SCRIB: variants seen among roughly 807,000 people sequenced by gnomAD.
SCRIB encodes the protein scribble planar cell polarity protein, also known as protein scribble homolog.
Under a neutral mutation model 170.0 loss-of-function variants are expected in SCRIB, and 72 were observed. That is an observed-to-expected ratio of 0.42 (90% CI 0.35 to 0.52). The LOEUF is 0.52. SCRIB is among the 20% of genes least tolerant of loss of function. The probability of loss-of-function intolerance (pLI) is 0.02; values close to 1 mark genes in which losing one functional copy is unlikely to be tolerated. For missense variants in SCRIB, 2,475 were observed against 2,338.5 expected (o/e 1.06, Z -1.20); for synonymous variants, 1,298 against 1,044.3 (o/e 1.24, Z -4.68).
intron 15 of SCRIB, among the ~76,000 whole-genome samples, chr8:143,807,893 A>G (rs7011769): frequency 0.98 from 149,278 of 152,228 alleles, 73,250 homozygotes; most frequent in Middle Eastern, 1. Context: ...ACTCAGGGTC[A>G]GAGTGTCATC....
At chr8:143,791,853 A>G in intron 34 of SCRIB, 23 bp downstream of exon 34, 1 of 1,534,824 alleles carries the variant, frequency 6.5e-7, no homozygotes, top group South Asian at 1.2e-5. Flanking sequence ...GGTGAAGGGA[A>G]GGCATAGCCA....
intron 14 of SCRIB, among the ~76,000 whole-genome samples, 190 bp from the exon 15 acceptor site, chr8:143,809,215 G>A (rs1367983350): frequency 6.6e-6 from 1 of 152,172 alleles, no homozygotes; most frequent in Non-Finnish European, 1.5e-5. Context: ...GCTCATCCTG[G>A]AGACACGCAG....
chr8:143,791,914 C>A lies in SCRIB; in HGVS notation c.4658-1G>T. The A allele has an allele frequency of 6.6e-7, 1 of 1,510,736 alleles. No individual in the cohort carries two copies. 93.6% of individuals were successfully genotyped at this position (1,510,736 alleles called of 1,614,324 possible). ...GAGGTGCTGGTCTGGGGGCCGAGGT[C>A]TGGGGGGACAAGAAGCGGGCATTGG... On this transcript the variant is annotated splice_acceptor_variant, in intron 33 of 36. Coordinates refer to ENST00000356994, the MANE Select transcript of SCRIB (RefSeq NM_182706.5). LOFTEE classifies it high-confidence loss of function.
Position 143,791,919 on chromosome 8 carries a change from G to T in SCRIB, c.4658-6C>A. On this transcript the variant is annotated splice_polypyrimidine_tract_variant and splice_region_variant and intron_variant, in intron 33 of 36. Transcript: ENST00000356994. The stretch of plus-strand genomic sequence containing the variant: ...GCTGGTCTGGGGGCCGAGGTCTGGG[G>T]GGACAAGAAGCGGGCATTGGAAGCA... 1.3e-6 allele frequency: 2 copies of T among 1,514,270 alleles called. No homozygotes were observed. Among genetic ancestry groups the T allele is most frequent in the Non-Finnish European group, 8.8e-7 (1 of 1,130,588 alleles). 93.8% of individuals were successfully genotyped at this position (1,514,270 alleles called of 1,614,324 possible).
In SCRIB at chr8:143,810,532, T is replaced by TCCG. The variant is rs1490907992; in HGVS notation, c.1474_1476dup (p.Arg492dup). 6.2e-7 allele frequency: 1 copy of TCCG among 1,613,124 alleles called. No individual in the cohort carries two copies. The highest frequency in any genetic ancestry group is 2.2e-5 in the East Asian group (1 of 44,866). On this transcript the variant is annotated inframe_insertion, in exon 13 of 37. Coordinates refer to ENST00000356994, the MANE Select transcript of SCRIB (RefSeq NM_182706.5). ...TCTGGCTGGCAAGGGCAGGCCTCGC[T>TCCG]CCGCCGCCCCTCGATGCTCCTCTTC...
In SCRIB at chr8:143,815,344, CAGCGCCACAGCGG is replaced by C. The variant is rs773790541; in HGVS notation, c.16_28del (p.Pro6AlafsTer50). ...GTCCACCGACTCCACGTGCCGGTTG[CAGCGCCACAGCGG>C]GATGCACTTGAGCATGGTGCGGGTG... On this transcript the variant is annotated frameshift_variant, in exon 1 of 37. Coordinates refer to ENST00000356994, the MANE Select transcript of SCRIB (RefSeq NM_182706.5). LOFTEE classifies it high-confidence loss of function. The C allele has an allele frequency of 6.5e-7, 1 of 1,548,438 alleles. No individual in the cohort carries two copies. The highest frequency in any genetic ancestry group is 8.7e-7 in the Non-Finnish European group (1 of 1,148,106).
chr8:143,809,749 G>A (rs368003990), intron 13 of SCRIB, 31 bp from the exon 14 acceptor site: 87 of 1,594,240 alleles, frequency 5.5e-5, no homozygotes, highest in Admixed American at 6.7e-5. Flanking sequence ...AGGCTTCGAC[G>A]GAGCTCCCGA....
In SCRIB at chr8:143,792,424, G is replaced by T; in HGVS notation, c.4329-19C>A. ...GCTCTGCCTGGGGAAGGGACAGGACGTGCTGTGGGGGGCAGGGGCACGTGG... is the reference window on the plus strand; with the variant it reads ...GCTCTGCCTGGGGAAGGGACAGGACTTGCTGTGGGGGGCAGGGGCACGTGG... On this transcript the variant is annotated intron_variant, in intron 31 of 36. Coordinates refer to ENST00000356994, the MANE Select transcript of SCRIB (RefSeq NM_182706.5). The T allele has an allele frequency of 6.6e-7, 1 of 1,507,242 alleles. No individual in the cohort carries two copies. The highest frequency in any genetic ancestry group is 8.8e-7 in the Non-Finnish European group (1 of 1,130,522). 93.4% of individuals were successfully genotyped at this position (1,507,242 alleles called of 1,614,324 possible). A position where few individuals can be genotyped will look rare whatever the true frequency, so the allele number is the denominator to read the frequency against.
At position 143,791,718 on chromosome 8, in the gene SCRIB, T is replaced by C. The variant is rs782812845; in HGVS notation, c.4718A>G (p.Asp1573Gly). 9 of 1,597,214 alleles carry C rather than the reference T, an allele frequency of 5.6e-6. No individual in the cohort carries two copies. The highest frequency in any genetic ancestry group is 6.8e-6 in the Non-Finnish European group (8 of 1,169,750). ...AGGCAGGGCCGCAAAGGCCCTGTAG[T>C]CAAACTTCTTTCCAGACAAGGGCTT... ...GRLPLSGKKFDYRAFAALPSS... is the reference protein window; with the variant it reads ...GRLPLSGKKFGYRAFAALPSS... The change falls in exon 35 of 37, where the codon GAC becomes GGC. Residue 1573 changes from aspartate (D) to glycine (G), a missense_variant. Coordinates refer to ENST00000356994, the MANE Select transcript of SCRIB (RefSeq NM_182706.5).
rs751003321 is a variant in SCRIB at position 143,813,825 on chromosome 8, G to C, written c.349C>G (p.Leu117Val). 3.7e-6 allele frequency: 6 copies of C among 1,609,338 alleles called. No individual in the cohort carries two copies. In the South Asian group the frequency reaches 5.5e-5, roughly 15 times the overall value. ...LEIADFSGNPLSRLPDGFTQL... is the reference protein window; with the variant it reads ...LEIADFSGNPVSRLPDGFTQL... ...CCACAGGCTGCCACCCACCTGGAGAGGGGGTTCCCGCTGAAGTCCGCGATC... is the reference window on the plus strand; with the variant it reads ...CCACAGGCTGCCACCCACCTGGAGACGGGGTTCCCGCTGAAGTCCGCGATC... Residue 117 changes from leucine (L) to valine (V), a missense_variant, in exon 3 of 37, where the codon CTC (leucine) becomes GTC (valine). Leu to Val is a conservative substitution (Grantham distance 32). This residue lies in a region of SCRIB where 487 missense variants were observed against 558.1 expected (regional missense o/e 0.87). Transcript: ENST00000356994.
chr8:143,803,790 T>C lies in SCRIB; in HGVS notation c.3271A>G (p.Arg1091Gly). ...CGTAGGCCCGGGGGTGCCGGGTCCC[T>C]CCGCACCAGCAGCGACAGCTCCAGG... is the stretch of plus-strand genomic sequence containing the variant. ...PCLELSLLVR[R>G]DPAPPGLREL... The change falls in exon 23 of 37, where the codon AGG becomes GGG. Residue 1091 changes from arginine to glycine, a missense_variant. Physicochemically the swap from Arg to Gly is moderately radical, Grantham distance 125. This residue lies in a region of SCRIB where 1,966 missense variants were observed against 1,742.9 expected (regional missense o/e 1.13). Coordinates refer to ENST00000356994, the MANE Select transcript of SCRIB (RefSeq NM_182706.5). 1 of 1,603,182 alleles carries C rather than the reference T, an allele frequency of 6.2e-7. No homozygotes were observed. The highest frequency in any genetic ancestry group is 8.5e-7 in the Non-Finnish European group (1 of 1,179,468).
rs782341728 is a variant in SCRIB, at chr8:143,793,974, G to A, written c.3847-12C>T. ...GCTCCAGACGGTACCTGGAGGAGTAGGCAGTGGGTGGGGTGAGGATGGGCA... is the reference window on the plus strand; with the variant it reads ...GCTCCAGACGGTACCTGGAGGAGTAAGCAGTGGGTGGGGTGAGGATGGGCA... On this transcript the variant is annotated splice_polypyrimidine_tract_variant and intron_variant, in intron 27 of 36. Transcript: ENST00000356994. 6.2e-7 allele frequency: 1 copy of A among 1,611,810 alleles called. No individual in the cohort carries two copies. The highest frequency in any genetic ancestry group is 8.5e-7 in the Non-Finnish European group (1 of 1,178,714).
At position 143,804,031 on chromosome 8, in the gene SCRIB, G is replaced by A; in HGVS notation, c.3120+15C>T. 6.3e-7 allele frequency: 1 copy of A among 1,597,930 alleles called. No homozygotes were observed. The highest frequency in any genetic ancestry group is 1.7e-4 in the Middle Eastern group (1 of 5,988). ...GGTGCACCTCTCACAGAACCGCCTG[G>A]ATGGGCCGCCCTACCTTGGAGATGA... is the stretch of plus-strand genomic sequence containing the variant. On this transcript the variant is annotated intron_variant, in intron 22 of 36. Transcript: ENST00000356994.
In SCRIB at chr8:143,805,397, C is replaced by T; in HGVS notation, c.2385G>A (p.Glu795=). 1.3e-6 allele frequency: 2 copies of T among 1,536,664 alleles called. No homozygotes were observed. The highest frequency in any genetic ancestry group is 1.7e-6 in the Non-Finnish European group (2 of 1,146,328). Residue 795 remains glutamate (E), a synonymous_variant, in exon 19 of 37, where the codon GAG becomes GAA. Coordinates refer to ENST00000356994, the MANE Select transcript of SCRIB (RefSeq NM_182706.5). ...CGGCCCCCCGGAGCGCCTCCACGGC[C>T]TCGTGGTGCTCGGCGCCCTGCAGAG... ...GVALQGAEHH[E]AVEALRGAGT... is the part of the protein sequence containing the mutation.
In SCRIB at chr8:143,802,405, G is replaced by A. The variant is rs551742246; in HGVS notation, c.3603+978C>T. 3.3e-5 allele frequency among the ~76,000 whole-genome samples: 5 copies of A among 152,396 alleles called. No homozygotes were observed. The South Asian group carries it at 6.2e-4, about 19-fold the overall frequency. On this transcript the variant is annotated intron_variant, in intron 24 of 36. Coordinates refer to ENST00000356994, the MANE Select transcript of SCRIB (RefSeq NM_182706.5). ...CAATGTGAGGGGCCGCCGCATCCCA[G>A]AGGCTGTTACAGAGAGGAAGCCATC...
At chr8:143,808,420 C>A (rs530650062) in intron 15 of SCRIB, among the ~76,000 whole-genome samples, 189 bp downstream of exon 15, 64 of 148,704 alleles carry the variant, frequency 4.3e-4, no homozygotes, top group African/African-American at 1.4e-3. Flanking sequence ...GGACTGAGAC[C>A]AATGCCAGGG....
In SCRIB at chr8:143,814,109, G is replaced by A. The variant is rs933893990; in HGVS notation, c.169C>T (p.Arg57Trp). The A allele has an allele frequency of 8.4e-6, 13 of 1,553,338 alleles. No individual in the cohort carries two copies. The highest frequency in any genetic ancestry group is 1.9e-5 in the Admixed American group (1 of 51,490). Residue 57 changes from arginine (R) to tryptophan (W), a missense_variant, in exon 2 of 37, where the codon CGG (arginine) becomes TGG (tryptophan). Arg to Trp is a moderately radical substitution (Grantham distance 101). Coordinates refer to ENST00000356994, the MANE Select transcript of SCRIB (RefSeq NM_182706.5). ...CCCAGCTTGCGCAAGTTCAGCAGCC[G>A]GAAAAAAGGCTGTGGGCAGGGAGGA... ...QLRELPKPFF[R>W]LLNLRKLGLS...
chr8:143,796,829 G>A (rs1202482594), intron 24 of SCRIB, among the ~76,000 whole-genome samples: 4 of 152,178 alleles, frequency 2.6e-5, no homozygotes, highest in African/African-American at 4.8e-5. Context: ...TGGGAAGCAA[G>A]GTCCCAGGTA....
intron 9 of SCRIB, 70 bp downstream of exon 9, chr8:143,812,196 G>A (rs1357995781): frequency 9.8e-7 from 1 of 1,024,360 alleles, no homozygotes; most frequent in African/African-American, 1.6e-5. Flanking sequence ...AGCAGACACA[G>A]GCTGATGCCC....
Sources: allele counts gnomAD v4.1 joint callset (sites outside exome capture counted in the v4.1 genomes callset), GRCh38; gene constraint gnomAD v4.1.1; regional missense constraint gnomAD v4.1.1; transcripts MANE v1.5; gene names NCBI Gene and HGNC (gene_info 2026-07-23, HGNC 2026-07-21).